DOCK1: variants seen among roughly 807,000 people sequenced by gnomAD.
DOCK1 encodes dedicator of cytokinesis protein 1.
Under a neutral mutation model 262.7 loss-of-function variants are expected in DOCK1, and 138 were observed. That is an observed-to-expected ratio of 0.53 (90% CI 0.46 to 0.61). DOCK1 has a LOEUF of 0.61. Ranked by LOEUF, DOCK1 falls within the 20% of genes least tolerant of loss-of-function variation. DOCK1 has a pLI of 0.00. For synonymous variants in DOCK1, 866 were observed against 867.4 expected (o/e 1.00, Z 0.03); for missense variants, 1,908 against 2,370.7 (o/e 0.80, Z 4.05).
At chr10:127,022,411 T>C (rs2042498298) in intron 13 of DOCK1, among the ~76,000 whole-genome samples, 1 of 152,182 alleles carries the variant, frequency 6.6e-6, no homozygotes, top group Non-Finnish European at 1.5e-5. Context: ...GCATGTGCCA[T>C]GTTGGCGTGC....
rs1024620733 is a variant in DOCK1 at position 126,967,354 on chromosome 10, A to G, written c.47-3348A>G. ...GGATTCATTTAAAAAAATTCCCTAC[A>G]TGGTTCTTGTTTTTCTCATGTCACT... On this transcript the variant is annotated intron_variant, in intron 1 of 51. Coordinates refer to ENST00000623213, the MANE Select transcript of DOCK1 (RefSeq NM_001290223.2). Among the ~76,000 whole-genome samples the G allele has an allele frequency of 8.1e-4, 124 of 152,182 alleles. 1 individual carries two copies. The East Asian group carries it at 0.022, about 27-fold the overall frequency.
chr10:127,031,769 G>T lies in DOCK1; in HGVS notation c.1728+16G>T. 1 of 1,600,978 alleles carries T rather than the reference G, an allele frequency of 6.2e-7. No individual in the cohort carries two copies. The highest frequency in any genetic ancestry group is 1.1e-5 in the South Asian group (1 of 88,826). On this transcript the variant is annotated intron_variant, in intron 17 of 51. Coordinates refer to ENST00000623213, the MANE Select transcript of DOCK1 (RefSeq NM_001290223.2). ...CGTCTATAAGGTATCTGGTTGCATTGGTGCAATATTGCTGCTATAGACAGT... is the reference window on the plus strand; with the variant it reads ...CGTCTATAAGGTATCTGGTTGCATTTGTGCAATATTGCTGCTATAGACAGT...
At chr10:127,006,944 G>A (rs1361084159) in intron 10 of DOCK1, among the ~76,000 whole-genome samples, 3 of 152,126 alleles carry the variant, frequency 2.0e-5, no homozygotes, top group African/African-American at 7.2e-5. Context: ...TGAGTTTATT[G>A]AAGGATGCTG....
chr10:127,238,895 T>G (rs775713360), intron 27 of DOCK1, among the ~76,000 whole-genome samples: 2 of 152,238 alleles, frequency 1.3e-5, no homozygotes, highest in Non-Finnish European at 2.9e-5. Context: ...GTTTTGAATC[T>G]TCTTGTCATT....
chr10:127,224,372 C>T (rs1250316665), intron 27 of DOCK1, among the ~76,000 whole-genome samples: 3 of 151,806 alleles, frequency 2.0e-5, no homozygotes, highest in African/African-American at 7.3e-5. Context: ...ACCAGCTTGG[C>T]CAAACATGTT....
At chr10:127,085,535 G>A (rs1360934874) in intron 23 of DOCK1, among the ~76,000 whole-genome samples, 2 of 152,160 alleles carry the variant, frequency 1.3e-5, no homozygotes, top group African/African-American at 4.8e-5. Flanking sequence ...CGAGGCAGGC[G>A]GATCACGAGG....
rs1591594258 is a variant in DOCK1 at position 127,000,272 on chromosome 10, T to C, written c.950T>C (p.Leu317Pro). The C allele has an allele frequency of 6.2e-7, 1 of 1,614,060 alleles. No individual in the cohort carries two copies. The highest frequency in any genetic ancestry group is 2.2e-5 in the East Asian group (1 of 44,888). ...CTGAGGGACAACAACACCAGGAAAC[T>C]GACCTCGGGGTTGCGGCGACCTTTT... ...MELRDNNTRK[L>P]TSGLRRPFGV... The change falls in exon 10 of 52, where the codon CTG (leucine) becomes CCG (proline). Residue 317 changes from leucine (L) to proline (P), a missense_variant. Physicochemically the swap from Leu to Pro is moderately conservative, Grantham distance 98 (BLOSUM62 -3). Around this residue, in one of 9 missense-constraint regions of DOCK1, gnomAD observed 102 missense variants for 154.9 expected, o/e 0.66. Transcript: ENST00000623213.
At chr10:127,348,068 A>G (rs1211920703) in intron 31 of DOCK1, among the ~76,000 whole-genome samples, 1 of 151,576 alleles carries the variant, frequency 6.6e-6, no homozygotes, top group Admixed American at 6.6e-5. Flanking sequence ...AGTGCATGGG[A>G]GTAAATAAAA....
chr10:127,372,677 C>G (rs1445959265), intron 33 of DOCK1, among the ~76,000 whole-genome samples: 1 of 152,194 alleles, frequency 6.6e-6, no homozygotes, highest in Non-Finnish European at 1.5e-5. Context: ...ATCCTAATAA[C>G]AGCAGGCGGC....
intron 25 of DOCK1, among the ~76,000 whole-genome samples, chr10:127,117,182 G>A (rs2049238239): frequency 6.6e-6 from 1 of 152,164 alleles, no homozygotes; most frequent in South Asian, 2.1e-4. Flanking sequence ...TCTTCCGTGT[G>A]CTCAGAACCA....
intron 44 of DOCK1, among the ~76,000 whole-genome samples, chr10:127,416,438 CG>C (rs1309139421): frequency 6.6e-6 from 1 of 152,200 alleles, no homozygotes; most frequent in Non-Finnish European, 1.5e-5. Context: ...CCTTTGTAAT[CG>C]GGGCCTGCCA....
At position 127,280,718 on chromosome 10, in the gene DOCK1, C is replaced by T. The variant is rs114243810; in HGVS notation, c.3044+23289C>T. Reference sequence around the variant, plus strand: ...CTTACTATAGAAATGCAAAATGCCACCATTCTTCACTGTGTTCTGAGAGGT... The same window carrying T: ...CTTACTATAGAAATGCAAAATGCCATCATTCTTCACTGTGTTCTGAGAGGT... On this transcript the variant is annotated intron_variant, in intron 29 of 51. Coordinates refer to ENST00000623213, the MANE Select transcript of DOCK1 (RefSeq NM_001290223.2). Among the ~76,000 whole-genome samples, 513 of 152,314 alleles carry T rather than the reference C, an allele frequency of 3.4e-3. 6 individuals carry two copies. The highest frequency in any genetic ancestry group is 0.012 in the African/African-American group (490 of 41,572).
At chr10:127,256,363 A>T (rs956285736) in intron 28 of DOCK1, among the ~76,000 whole-genome samples, 2 of 152,124 alleles carry the variant, frequency 1.3e-5, no homozygotes, top group African/African-American at 2.4e-5. Context: ...CTTCACAGCC[A>T]TTGCACCTAA....
intron 27 of DOCK1, among the ~76,000 whole-genome samples, chr10:127,188,897 C>G (rs1240308573): frequency 1.3e-5 from 2 of 152,132 alleles, no homozygotes; most frequent in Non-Finnish European, 2.9e-5. Context: ...AGTCACATGC[C>G]AAAGGTCACA....
At chr10:127,147,559 C>G (rs1272736032) in intron 27 of DOCK1, among the ~76,000 whole-genome samples, 2 of 152,096 alleles carry the variant, frequency 1.3e-5, no homozygotes, top group Non-Finnish European at 2.9e-5. Context: ...CCCGGGGTCC[C>G]AGGGTAAGGG....
At chr10:127,378,938 T>C (rs1011233844) in intron 35 of DOCK1, among the ~76,000 whole-genome samples, 1 of 152,240 alleles carries the variant, frequency 6.6e-6, no homozygotes, top group Non-Finnish European at 1.5e-5. Context: ...TTTTCTAGAC[T>C]TAGTTATCAT....
intron 29 of DOCK1, among the ~76,000 whole-genome samples, chr10:127,315,355 AAAG>A (rs780749227): frequency 1.3e-4 from 20 of 152,322 alleles, no homozygotes; most frequent in Non-Finnish European, 2.2e-4. Context: ...AATTAAGGTT[AAAG>A]AAGATCATTA....
chr10:127,039,437 GT>G (rs1463380482), intron 19 of DOCK1, among the ~76,000 whole-genome samples: 6 of 152,150 alleles, frequency 3.9e-5, no homozygotes, highest in African/African-American at 9.7e-5. Flanking sequence ...ATCTTGTCCC[GT>G]CATTCTCCCC....
chr10:127,442,313 C>G (rs2070219062), intron 49 of DOCK1, among the ~76,000 whole-genome samples: 2 of 152,172 alleles, frequency 1.3e-5, no homozygotes, highest in African/African-American at 4.8e-5. Flanking sequence ...TCACCCAAAC[C>G]AGCACAGCGC....
Sources: allele counts gnomAD v4.1 joint callset (sites outside exome capture counted in the v4.1 genomes callset), GRCh38; gene constraint gnomAD v4.1.1; regional missense constraint gnomAD v4.1.1; transcripts MANE v1.5; gene names NCBI Gene and HGNC (gene_info 2026-07-23, HGNC 2026-07-21).